Variants in COL10A1 observed in about 807,000 individuals in gnomAD.
The protein encoded by COL10A1 is collagen alpha-1(X) chain.
Under a neutral mutation model 18.2 loss-of-function variants are expected in COL10A1, and 10 were observed. That is an observed-to-expected ratio of 0.55 (90% CI 0.34 to 0.93). The LOEUF (loss-of-function observed/expected upper bound fraction) is 0.93, where lower values mean the gene tolerates loss of function less well. Among genes scored for constraint, COL10A1 ranks in the 40% least tolerant of loss-of-function variants. COL10A1 has a pLI of 0.02. For synonymous variants in COL10A1, 330 were observed against 316.6 expected (o/e 1.04, Z -0.45); for missense variants, 897 against 853.5 (o/e 1.05, Z -0.64).
intron 1 of COL10A1, among the ~76,000 whole-genome samples, chr6:116,147,611 G>A (rs1376392175): frequency 1.3e-5 from 2 of 151,950 alleles, no homozygotes; most frequent in East Asian, 1.9e-4. Flanking sequence ...ATTATAAATG[G>A]CCTTAAACCT....
the COL10A1 span, among the ~76,000 whole-genome samples, chr6:116,186,425 C>G: frequency 6.6e-6 from 1 of 151,774 alleles, no homozygotes; most frequent in Non-Finnish European, 1.5e-5. Flanking sequence ...GCCTAGATCT[C>G]TAGCAAGGCT....
At chr6:116,150,276 T>A (rs1040400982) in intron 1 of COL10A1, among the ~76,000 whole-genome samples, 11 of 151,984 alleles carry the variant, frequency 7.2e-5, no homozygotes, top group Non-Finnish European at 1.0e-4. Flanking sequence ...GTTTTTTTTT[T>A]ATTTTAACTT....
intron 1 of COL10A1, among the ~76,000 whole-genome samples, chr6:116,145,806 G>A (rs1779884500): frequency 6.6e-6 from 1 of 151,798 alleles, no homozygotes; most frequent in African/African-American, 2.4e-5. Flanking sequence ...TTTATTTTTA[G>A]CAGTAATATA....
the COL10A1 span, among the ~76,000 whole-genome samples, chr6:116,209,165 TC>T: frequency 6.6e-6 from 1 of 152,038 alleles, no homozygotes; most frequent in African/African-American, 2.4e-5. Context: ...ATACTACATA[TC>T]AGGATTCAGC....
At chr6:116,178,668 T>G in the COL10A1 span, among the ~76,000 whole-genome samples, 3 of 152,228 alleles carry the variant, frequency 2.0e-5, no homozygotes, top group Non-Finnish European at 4.4e-5. Flanking sequence ...GCAATTTTAC[T>G]GAATAGTCCA....
chr6:116,148,900 A>C (rs1000267999), intron 1 of COL10A1, among the ~76,000 whole-genome samples: 1 of 152,176 alleles, frequency 6.6e-6, no homozygotes, highest in Non-Finnish European at 1.5e-5. Flanking sequence ...CATGTATTAC[A>C]TGATACCAAT....
chr6:116,168,323 C>G, the COL10A1 span, among the ~76,000 whole-genome samples: 1 of 151,810 alleles, frequency 6.6e-6, no homozygotes, highest in East Asian at 1.9e-4. Flanking sequence ...TTCTTTTAAT[C>G]TCATTTCTAA....
chr6:116,199,050 C>T, the COL10A1 span, among the ~76,000 whole-genome samples: 1 of 151,952 alleles, frequency 6.6e-6, no homozygotes, highest in East Asian at 1.9e-4. Flanking sequence ...GATCACTGGC[C>T]TCTATCCACT....
chr6:116,202,682 G>C, the COL10A1 span, among the ~76,000 whole-genome samples: 6 of 152,086 alleles, frequency 3.9e-5, no homozygotes, highest in African/African-American at 1.4e-4. Flanking sequence ...ATGGCATTCT[G>C]AGATTATAGT....
At chr6:116,125,738 C>A (rs1253935311) in intron 1 of COL10A1, 4 of 342,160 alleles carry the variant, frequency 1.2e-5, no homozygotes, top group South Asian at 3.4e-5. Flanking sequence ...AAATGATTTA[C>A]CTAAAGGAAA....
Position 116,119,892 on chromosome 6 carries a change from ACGT to A in COL10A1, c.*178_*180del. ...TAGAAATTCAAGAGAGGCTTCACAT[ACGT>A]TTTTACGTTGCTGCTCACTTTTCAG... On this transcript the variant is annotated 3_prime_UTR_variant, in exon 3 of 3. Coordinates refer to ENST00000651968, the MANE Select transcript of COL10A1 (RefSeq NM_000493.4). The A allele has an allele frequency of 3.2e-6, 2 of 622,616 alleles. No individual in the cohort carries two copies. Among genetic ancestry groups the A allele is most frequent in the Non-Finnish European group, 5.6e-6 (2 of 355,636 alleles). The allele number at this position is 622,616 out of a possible 1,614,324, so 38.6% of individuals were successfully genotyped here.
At chr6:116,185,074 T>C in the COL10A1 span, among the ~76,000 whole-genome samples, 1 of 152,126 alleles carries the variant, frequency 6.6e-6, no homozygotes, top group Admixed American at 6.6e-5. Context: ...CTATTATCAT[T>C]AAGTTTAAAG....
the COL10A1 span, among the ~76,000 whole-genome samples, chr6:116,211,057 C>T: frequency 6.6e-6 from 1 of 151,966 alleles, no homozygotes; most frequent in Non-Finnish European, 1.5e-5. Flanking sequence ...TCATAAGGAG[C>T]CTTGCAGCTT....
At position 116,123,215 on chromosome 6, in the gene COL10A1, A is replaced by C. The variant is rs190099354; in HGVS notation, c.155-1254T>G. On this transcript the variant is annotated intron_variant, in intron 2 of 2. Coordinates refer to ENST00000651968, the MANE Select transcript of COL10A1 (RefSeq NM_000493.4). Reference sequence around the variant, plus strand: ...TACTATTAAAAAGGAGAAACAAGTCAATGGAAATGAGTGCATTGGGCGTCA... The same window carrying C: ...TACTATTAAAAAGGAGAAACAAGTCCATGGAAATGAGTGCATTGGGCGTCA... 2.6e-3 allele frequency among the ~76,000 whole-genome samples: 396 copies of C among 152,298 alleles called. 10 individuals are homozygous for C. The South Asian group carries it at 0.043, about 17-fold the overall frequency.
chr6:116,120,481 C>T lies in COL10A1; in HGVS notation c.1635G>A (p.Gly545=), dbSNP rs778694592. The part of the protein sequence containing the change: ...SGTPLVSANQ[G]VTGMPVSAFT... Reference sequence around the variant, plus strand: ...AAGCAGACACAGGCATTCCTGTTACCCCCTGGTTGGCACTAACAAGAGGGG... The same window carrying T: ...AAGCAGACACAGGCATTCCTGTTACTCCCTGGTTGGCACTAACAAGAGGGG... The change falls in exon 3 of 3, where the codon GGG becomes GGA. Residue 545 remains glycine, a synonymous_variant. Coordinates refer to ENST00000651968, the MANE Select transcript of COL10A1 (RefSeq NM_000493.4). 18 of 1,614,230 alleles carry T rather than the reference C, an allele frequency of 1.1e-5. No individual in the cohort carries two copies. Among genetic ancestry groups the T allele is most frequent in the Non-Finnish European group, 1.4e-5 (17 of 1,180,036 alleles).
chr6:116,192,883 C>T, the COL10A1 span, among the ~76,000 whole-genome samples: 1 of 151,970 alleles, frequency 6.6e-6, no homozygotes, highest in Non-Finnish European at 1.5e-5. Flanking sequence ...TGCTTTCTCA[C>T]GTTGCATCTT....
At chr6:116,187,497 G>C in the COL10A1 span, among the ~76,000 whole-genome samples, 9 of 152,042 alleles carry the variant, frequency 5.9e-5, no homozygotes, top group Non-Finnish European at 8.8e-5. Context: ...AATTTGGTCA[G>C]AGTGCTTTTG....
At chr6:116,202,948 G>A in the COL10A1 span, among the ~76,000 whole-genome samples, 1 of 151,848 alleles carries the variant, frequency 6.6e-6, no homozygotes, top group Admixed American at 6.6e-5. Context: ...AAGGGAGGGA[G>A]GGGCTGTCTC....
At chr6:116,215,510 G>A in the COL10A1 span, among the ~76,000 whole-genome samples, 6 of 152,080 alleles carry the variant, frequency 3.9e-5, no homozygotes, top group Non-Finnish European at 7.4e-5. Flanking sequence ...AGCCTGTCCA[G>A]ATATTATTGT....
Sources: allele counts gnomAD v4.1 joint callset (sites outside exome capture counted in the v4.1 genomes callset), GRCh38; gene constraint gnomAD v4.1.1; transcripts MANE v1.5; gene names NCBI Gene and HGNC (gene_info 2026-07-23, HGNC 2026-07-21).